OTOGL: variants seen among roughly 807,000 people sequenced by gnomAD.
The protein encoded by OTOGL is otogelin-like protein.
A neutral mutation model predicts 318.5 loss-of-function variants in OTOGL; 285 were observed. The observed-to-expected ratio is 0.89, with a 90% confidence interval of 0.81 to 0.99. OTOGL has a LOEUF of 0.99. Ranked by LOEUF, OTOGL falls within the 50% of genes least tolerant of loss-of-function variation. The pLI is 0.00. For missense variants in OTOGL, 2,899 were observed against 2,845.6 expected (o/e 1.02, Z -0.43); for synonymous variants, 987 against 936.5 (o/e 1.05, Z -0.99).
At position 80,296,959 on chromosome 12, in the gene OTOGL, C is replaced by T; in HGVS notation, c.3061C>T (p.Gln1021Ter). ...EIYLNDTPYK[Q>*]KQSGFFLENK... ...TTACCTGAATGATACTCCTTACAAA[C>T]AGGTTAGTGAATTATTTCTTTCAGG... The change falls in exon 27 of 59, where the codon CAG (glutamine) becomes TAG (stop). Residue 1021 changes from glutamine to a stop codon, truncating the protein, a stop_gained and splice_region_variant. Coordinates refer to ENST00000547103, the MANE Select transcript of OTOGL (RefSeq NM_001378609.3). LOFTEE classifies it high-confidence loss of function. 1 of 1,543,168 alleles carries T rather than the reference C, an allele frequency of 6.5e-7. No individual in the cohort carries two copies. The highest frequency in any genetic ancestry group is 8.7e-7 in the Non-Finnish European group (1 of 1,144,910).
intron 1 of OTOGL, among the ~76,000 whole-genome samples, chr12:80,164,350 T>A (rs921043720): frequency 6.6e-6 from 1 of 152,154 alleles, no homozygotes; most frequent in African/African-American, 2.4e-5. Flanking sequence ...TTTGTGCTGT[T>A]TACCAGTGAA....
chr12:80,169,930 T>G (rs561275942), intron 1 of OTOGL, among the ~76,000 whole-genome samples: 1 of 152,326 alleles, frequency 6.6e-6, no homozygotes, highest in South Asian at 2.1e-4. Flanking sequence ...TTTGAGTTAT[T>G]TGCAATTTGG....
intron 4 of OTOGL, among the ~76,000 whole-genome samples, chr12:80,212,750 G>A (rs759578411): frequency 3.3e-5 from 5 of 152,158 alleles, no homozygotes; most frequent in African/African-American, 9.7e-5. Flanking sequence ...ATGTTGAATT[G>A]CAAATAGTTT....
At position 80,356,878 on chromosome 12, in the gene OTOGL, C is replaced by T. The variant is rs779580098; in HGVS notation, c.5983C>T (p.Arg1995Ter). Residue 1995 changes from arginine to a stop codon, truncating the protein, a stop_gained, in exon 49 of 59, where the codon CGA (arginine) becomes TGA (stop). Coordinates refer to ENST00000547103, the MANE Select transcript of OTOGL (RefSeq NM_001378609.3). LOFTEE classifies it high-confidence loss of function. Reference sequence around the variant, plus strand: ...AGAAGATCAATTCATGATTCAAGTTCGACAGGAAGAACCTTGTTGTTTTTC... The same window carrying T: ...AGAAGATCAATTCATGATTCAAGTTTGACAGGAAGAACCTTGTTGTTTTTC... ...CREDQFMIQV[R>*]QEEPCCFSPF... 8.1e-6 allele frequency: 13 copies of T among 1,599,268 alleles called. No homozygotes were observed. Among genetic ancestry groups the T allele is most frequent in the East Asian group, 6.8e-5 (3 of 43,876 alleles).
rs754094747 is a variant in OTOGL, at chr12:80,323,840, C to T, written c.4199C>T (p.Pro1400Leu). 18 of 1,597,234 alleles carry T rather than the reference C, an allele frequency of 1.1e-5. No homozygotes were observed. In the African/African-American group the frequency reaches 1.5e-4, roughly 13 times the overall value. Residue 1400 changes from proline (P) to leucine (L), a missense_variant and splice_region_variant, in exon 35 of 59, where the codon CCG becomes CTG. By Grantham distance (98) the Pro-to-Leu change is moderately conservative. Around this residue, in one of 3 missense-constraint regions of OTOGL, gnomAD observed 2,607 missense variants for 2,524.9 expected, o/e 1.03. Coordinates refer to ENST00000547103, the MANE Select transcript of OTOGL (RefSeq NM_001378609.3). Reference protein sequence around the residue: ...PEALACKFLPPVEGCLPYCPK... With the variant: ...PEALACKFLPLVEGCLPYCPK... ...GCACTAGCATGTAAATTTCTTCCAC[C>T]GTAAGTAACGTTTACCAATAAGTGA...
At chr12:80,357,602 A>G (rs143308829) in intron 49 of OTOGL, among the ~76,000 whole-genome samples, 2 of 152,328 alleles carry the variant, frequency 1.3e-5, no homozygotes, top group African/African-American at 4.8e-5. Flanking sequence ...ATGAAGCAGA[A>G]CAGTCAAGCC....
intron 1 of OTOGL, among the ~76,000 whole-genome samples, chr12:80,153,016 A>C (rs1324095986): frequency 1.3e-5 from 2 of 152,198 alleles, no homozygotes; most frequent in African/African-American, 4.8e-5. Context: ...TTTTTAAATG[A>C]AATAAGTACT....
At chr12:80,223,051 T>G (rs1372817170) in intron 7 of OTOGL, among the ~76,000 whole-genome samples, 1 of 152,024 alleles carries the variant, frequency 6.6e-6, no homozygotes, top group Non-Finnish European at 1.5e-5. Flanking sequence ...GCCTTTCCCC[T>G]TGGTCCCCAA....
intron 1 of OTOGL, among the ~76,000 whole-genome samples, chr12:80,198,500 C>T (rs1876236956): frequency 6.6e-6 from 1 of 152,160 alleles, no homozygotes; most frequent in African/African-American, 2.4e-5. Context: ...AGGAGAATGG[C>T]TTGAACCCAG....
intron 44 of OTOGL, among the ~76,000 whole-genome samples, chr12:80,348,421 A>G (rs1157627632): frequency 6.6e-6 from 1 of 152,140 alleles, no homozygotes; most frequent in Non-Finnish European, 1.5e-5. Flanking sequence ...GTGAAAGATC[A>G]GATAGTTGTG....
At chr12:80,361,206 T>C (rs1890219736) in intron 52 of OTOGL, 1 of 152,134 alleles carries the variant, frequency 6.6e-6, no homozygotes, top group Non-Finnish European at 1.5e-5. Flanking sequence ...CTTTTTTAGA[T>C]TCTGCATATA....
At chr12:80,227,790 T>C (rs1878998360) in intron 7 of OTOGL, among the ~76,000 whole-genome samples, 2 of 152,108 alleles carry the variant, frequency 1.3e-5, no homozygotes, top group Admixed American at 6.6e-5. Flanking sequence ...CCATATGGCT[T>C]TCTCTCTCTC....
chr12:80,262,271 C>T (rs1882609480), intron 19 of OTOGL, among the ~76,000 whole-genome samples, 178 bp downstream of exon 19: 1 of 151,194 alleles, frequency 6.6e-6, no homozygotes, highest in Non-Finnish European at 1.5e-5. Context: ...TATGTCTTTT[C>T]ATGTAATCTA....
intron 44 of OTOGL, among the ~76,000 whole-genome samples, chr12:80,350,353 C>T (rs1330093164): frequency 6.6e-6 from 1 of 152,176 alleles, no homozygotes; most frequent in Non-Finnish European, 1.5e-5. Flanking sequence ...GTGAATAATG[C>T]TGCAGTAAAC....
intron 21 of OTOGL, 122 bp from the exon 22 acceptor site, chr12:80,267,131 T>C (rs1453613358): frequency 9.3e-6 from 4 of 432,194 alleles, no homozygotes; most frequent in Non-Finnish European, 1.6e-5. Flanking sequence ...TGCAGTCTTG[T>C]AGAATAATGC....
intron 1 of OTOGL, among the ~76,000 whole-genome samples, chr12:80,139,989 G>T (rs1056145802): frequency 2.6e-5 from 4 of 152,104 alleles, no homozygotes; most frequent in African/African-American, 9.7e-5. Flanking sequence ...GCATGTTAAA[G>T]ACATCATCAT....
intron 56 of OTOGL, 29 bp from the exon 57 acceptor site, chr12:80,371,990 T>C (rs1890903010): frequency 6.9e-7 from 1 of 1,457,432 alleles, no homozygotes; most frequent in Non-Finnish European, 9.3e-7. Flanking sequence ...ACCATATTCT[T>C]TGACTTTATT....
At chr12:80,338,956 A>G (rs1888576764) in intron 42 of OTOGL, 119 bp from the exon 43 acceptor site, 4 of 862,980 alleles carry the variant, frequency 4.6e-6, no homozygotes, top group Non-Finnish European at 6.9e-6. Flanking sequence ...TAAGAAATAC[A>G]TTTCTTAAAA....
At chr12:80,165,196 A>G (rs1235578951) in intron 1 of OTOGL, among the ~76,000 whole-genome samples, 1 of 152,148 alleles carries the variant, frequency 6.6e-6, no homozygotes, top group South Asian at 2.1e-4. Flanking sequence ...TTCTTCTCCT[A>G]GGATTCTTTA....
Sources: gnomAD v4.1 joint callset for allele counts (sites outside exome capture counted in the v4.1 genomes callset) on GRCh38, gnomAD v4.1.1 for gene constraint, gnomAD v4.1.1 regional missense constraint, MANE v1.5 for transcripts, NCBI Gene and HGNC (gene_info 2026-07-23, HGNC 2026-07-21) for gene names.